The following SGSM3 variants were observed in gnomAD, a reference collection of about 807,000 sequenced individuals.
The protein encoded by SGSM3 is small G protein signaling modulator 3, also known as RUN and SH3 containing 3.
SGSM3 carries 96 observed loss-of-function variants against 100.5 expected under a neutral mutation model. That is an observed-to-expected ratio of 0.96 (90% CI 0.81 to 1.13). The LOEUF is 1.13. SGSM3 is among the 50% of genes most tolerant of loss of function. The pLI is 0.00. For missense variants in SGSM3, 1,001 were observed against 1,015.8 expected (o/e 0.99, Z 0.20); for synonymous variants, 483 against 422.8 (o/e 1.14, Z -1.75).
chr22:40,371,474 C>G (rs991724601), intron 1 of SGSM3, among the ~76,000 whole-genome samples: 3 of 152,088 alleles, frequency 2.0e-5, no homozygotes, highest in Non-Finnish European at 4.4e-5. Context: ...TTAGTAAATT[C>G]AAGTCAAATC....
chr22:40,381,092 A>G (rs2047489240), intron 1 of SGSM3, among the ~76,000 whole-genome samples: 1 of 152,184 alleles, frequency 6.6e-6, no homozygotes, highest in South Asian at 2.1e-4. Context: ...AGGTTATAGA[A>G]ACATTTTACT....
At chr22:40,387,653 C>G (rs780819248) in intron 1 of SGSM3, among the ~76,000 whole-genome samples, 2 of 152,208 alleles carry the variant, frequency 1.3e-5, no homozygotes, top group Non-Finnish European at 2.9e-5. Flanking sequence ...ATTTATTTCA[C>G]TTCTACTTCT....
intron 1 of SGSM3, among the ~76,000 whole-genome samples, chr22:40,397,074 G>A (rs1447453300): frequency 1.3e-5 from 2 of 152,152 alleles, no homozygotes; most frequent in African/African-American, 4.8e-5. Context: ...GGCTGTTCCT[G>A]CCAACTCCCA....
intron 3 of SGSM3, 28 bp downstream of exon 3, chr22:40,401,703 G>C (rs896867226): frequency 1.1e-5 from 17 of 1,590,368 alleles, no homozygotes; most frequent in Non-Finnish European, 1.5e-5. Context: ...GCACCAGCCT[G>C]CTGTGCTCCC....
chr22:40,404,898 A>T (rs1602067269), intron 6 of SGSM3, among the ~76,000 whole-genome samples: 1 of 151,996 alleles, frequency 6.6e-6, no homozygotes. Flanking sequence ...ACAGATGGGG[A>T]CTCTAAATAT....
chr22:40,387,926 G>A lies in SGSM3; in HGVS notation c.-111-12770G>A, dbSNP rs1469958560. ...GTACTCCTGTGCAGGAAGGGGACAC[G>A]CATACCTTGTGTGCTGAATTCTAGG... is the stretch of plus-strand genomic sequence containing the variant. On this transcript the variant is annotated intron_variant, in intron 1 of 21. Coordinates refer to ENST00000248929, the MANE Select transcript of SGSM3 (RefSeq NM_015705.6). Among the ~76,000 whole-genome samples the A allele has an allele frequency of 2.0e-5, 3 of 152,300 alleles. No individual in the cohort carries two copies. In the East Asian group the frequency reaches 5.8e-4, roughly 29 times the overall value.
chr22:40,405,881 G>T (rs763580667), intron 8 of SGSM3, 37 bp downstream of exon 8: 1 of 1,584,720 alleles, frequency 6.3e-7, no homozygotes, highest in East Asian at 2.2e-5. Context: ...CCATTCTGCA[G>T]CTTGGAGGAC....
chr22:40,408,076 T>G lies in SGSM3; in HGVS notation c.1585T>G (p.Phe529Val), dbSNP rs769452524. ...VGELNGLRGW[F>V]PAKFVEVLDE... ...AGGGCCTGTTTTTCCCACAGGCTGG[T>G]TTCCAGCCAAGTTCGTGGAAGTCCT... Residue 529 changes from phenylalanine to valine, a missense_variant, in exon 15 of 22, where the codon TTT becomes GTT. Coordinates refer to ENST00000248929, the MANE Select transcript of SGSM3 (RefSeq NM_015705.6). 1.2e-6 allele frequency: 2 copies of G among 1,613,406 alleles called. No homozygotes were observed. Among genetic ancestry groups the G allele is most frequent in the Non-Finnish European group, 1.7e-6 (2 of 1,179,838 alleles).
rs1209418175 is a variant in SGSM3, at chr22:40,406,760, C to T, written c.1185+98C>T. ...GCGGGGGCTGCGGAAAACAAACCAG[C>T]CCTTCCTGCTCTGCCCCCCAGCCTG... is the stretch of plus-strand genomic sequence containing the variant. On this transcript the variant is annotated intron_variant, in intron 10 of 21. Coordinates refer to ENST00000248929, the MANE Select transcript of SGSM3 (RefSeq NM_015705.6). The T allele has an allele frequency of 4.6e-6, 5 of 1,081,330 alleles. No homozygotes were observed. In the African/African-American group the frequency reaches 7.8e-5, roughly 17 times the overall value. The allele number at this position is 1,081,330 out of a possible 1,614,324, so 67.0% of individuals were successfully genotyped here.
Position 40,408,099 on chromosome 22 carries a change from C to T in SGSM3, c.1608C>T (p.Val536=). The T allele has an allele frequency of 6.2e-7, 1 of 1,613,260 alleles. No homozygotes were observed. The highest frequency in any genetic ancestry group is 8.5e-7 in the Non-Finnish European group (1 of 1,179,798). The change falls in exon 15 of 22, where the codon GTC becomes GTT. Residue 536 remains valine, a synonymous_variant. Transcript: ENST00000248929. The part of the protein sequence containing the change: ...RGWFPAKFVE[V]LDERSKEYSI... ...GGTTTCCAGCCAAGTTCGTGGAAGT[C>T]CTGGATGAGCGCAGCAAAGAGGTGA...
At chr22:40,388,354 G>A (rs2048803636) in intron 1 of SGSM3, 1 of 152,272 alleles carries the variant, frequency 6.6e-6, no homozygotes, top group South Asian at 2.1e-4. Context: ...TTTCAAGGCT[G>A]TCTTTACATA....
chr22:40,389,145 A>G (rs1051192971), intron 1 of SGSM3, among the ~76,000 whole-genome samples: 1 of 152,172 alleles, frequency 6.6e-6, no homozygotes, highest in Non-Finnish European at 1.5e-5. Flanking sequence ...TCTGAAGAAC[A>G]GGCATATAGG....
chr22:40,380,546 T>TAATAGAGA (rs1014891675), intron 1 of SGSM3, among the ~76,000 whole-genome samples: 9 of 152,038 alleles, frequency 5.9e-5, no homozygotes, highest in African/African-American at 2.2e-4. Flanking sequence ...CTTGTATTTC[T>TAATAGAGA]AATAGAGATG....
At chr22:40,385,950 C>G (rs2048349951) in intron 1 of SGSM3, among the ~76,000 whole-genome samples, 1 of 152,092 alleles carries the variant, frequency 6.6e-6, no homozygotes, top group Admixed American at 6.5e-5. Context: ...CTCCCGGGCC[C>G]AGGCGATTCT....
chr22:40,372,425 C>T (rs1395490580), intron 1 of SGSM3, among the ~76,000 whole-genome samples: 1 of 152,124 alleles, frequency 6.6e-6, no homozygotes, highest in East Asian at 1.9e-4. Context: ...GTGCCTGGCC[C>T]TCCCTGTCCC....
At chr22:40,374,207 C>G (rs1230642948) in intron 1 of SGSM3, among the ~76,000 whole-genome samples, 1 of 152,126 alleles carries the variant, frequency 6.6e-6, no homozygotes, top group African/African-American at 2.4e-5. Flanking sequence ...CTGCCTCGGC[C>G]TCCCAAAGTG....
At chr22:40,380,624 C>T (rs1374845938) in intron 1 of SGSM3, among the ~76,000 whole-genome samples, 1 of 152,118 alleles carries the variant, frequency 6.6e-6, no homozygotes, top group Non-Finnish European at 1.5e-5. Flanking sequence ...AGGCGTGAGT[C>T]ACTGTGCCCA....
chr22:40,393,174 T>C (rs1412662701), intron 1 of SGSM3, among the ~76,000 whole-genome samples: 1 of 152,222 alleles, frequency 6.6e-6, no homozygotes. Context: ...TGGAGTGCAG[T>C]GGCGCGATCG....
rs1425398649 is a variant in SGSM3 at position 40,406,999 on chromosome 22, C to T, written c.1186-18C>T. 6.4e-7 allele frequency: 1 copy of T among 1,561,728 alleles called. No individual in the cohort carries two copies. Among genetic ancestry groups the T allele is most frequent in the Non-Finnish European group, 8.7e-7 (1 of 1,152,768 alleles). ...CTCCCGGGGCCAGGACCACCCTGACCCACTCCTCTTGGTGCAGGTTGTTCG... is the reference window on the plus strand; with the variant it reads ...CTCCCGGGGCCAGGACCACCCTGACTCACTCCTCTTGGTGCAGGTTGTTCG... On this transcript the variant is annotated intron_variant, in intron 10 of 21. Coordinates refer to ENST00000248929, the MANE Select transcript of SGSM3 (RefSeq NM_015705.6).
Sources: gnomAD v4.1 joint callset for allele counts (sites outside exome capture counted in the v4.1 genomes callset) on GRCh38, gnomAD v4.1.1 for gene constraint, MANE v1.5 for transcripts, NCBI Gene and HGNC (gene_info 2026-07-23, HGNC 2026-07-21) for gene names.